The following CTNNA3 variants were observed in gnomAD, a reference collection of about 807,000 sequenced individuals.
CTNNA3 encodes catenin alpha-3.
CTNNA3 carries 76 observed loss-of-function variants against 95.7 expected under a neutral mutation model. The ratio of observed to expected loss-of-function variants is 0.79; its 90% CI spans 0.66 to 0.96. CTNNA3 has a LOEUF of 0.96. CTNNA3 is among the 40% of genes least tolerant of loss of function. The pLI, the probability that CTNNA3 is intolerant of heterozygous loss-of-function variation, is 0.00. For synonymous variants in CTNNA3, 431 were observed against 374.4 expected (o/e 1.15, Z -1.74); for missense variants, 1,191 against 1,089.8 (o/e 1.09, Z -1.31).
chr10:66,107,223 C>T (rs1213504472), intron 13 of CTNNA3, among the ~76,000 whole-genome samples: 1 of 152,152 alleles, frequency 6.6e-6, no homozygotes, highest in Non-Finnish European at 1.5e-5. Context: ...CGTTATTTCT[C>T]ATATCAGAAT....
At chr10:67,577,198 C>T (rs1482687102) in intron 3 of CTNNA3, among the ~76,000 whole-genome samples, 1 of 151,832 alleles carries the variant, frequency 6.6e-6, no homozygotes, top group African/African-American at 2.4e-5. Flanking sequence ...TATTTCTCCA[C>T]ATCCTCTCCA....
intron 7 of CTNNA3, among the ~76,000 whole-genome samples, chr10:66,935,052 TA>T (rs1847620417): frequency 6.6e-6 from 1 of 152,060 alleles, no homozygotes; most frequent in African/African-American, 2.4e-5. Flanking sequence ...CTCATGTAGC[TA>T]AAAAAGTGCT....
chr10:66,133,806 G>A (rs2083233787), intron 13 of CTNNA3, among the ~76,000 whole-genome samples: 1 of 152,066 alleles, frequency 6.6e-6, no homozygotes, highest in South Asian at 2.1e-4. Context: ...ATGAGGTTAG[G>A]AAAACTGTAT....
intron 13 of CTNNA3, among the ~76,000 whole-genome samples, chr10:66,224,994 T>G (rs1161398869): frequency 1.3e-5 from 2 of 152,130 alleles, no homozygotes; most frequent in South Asian, 4.1e-4. Flanking sequence ...GAAATCAGAA[T>G]AATTATATTT....
At chr10:66,846,161 C>T (rs954021186) in intron 7 of CTNNA3, among the ~76,000 whole-genome samples, 2 of 148,770 alleles carry the variant, frequency 1.3e-5, no homozygotes, top group African/African-American at 2.5e-5. Context: ...CCTTTTGCAA[C>T]AGAGATGAAC....
intron 16 of CTNNA3, among the ~76,000 whole-genome samples, chr10:65,983,368 T>C (rs536497422): frequency 6.6e-6 from 1 of 151,728 alleles, no homozygotes; most frequent in African/African-American, 2.4e-5. Context: ...TAGGTTATAC[T>C]GCTTCTATAA....
intron 7 of CTNNA3, among the ~76,000 whole-genome samples, chr10:66,960,947 C>CCTT (rs1849075636): frequency 1.3e-5 from 2 of 152,112 alleles, no homozygotes; most frequent in Non-Finnish European, 2.9e-5. Flanking sequence ...ACTAGTTAAT[C>CCTT]ACAAGGGATC....
At chr10:67,334,457 G>A (rs918058670) in intron 5 of CTNNA3, 2 of 153,978 alleles carry the variant, frequency 1.3e-5, no homozygotes, top group African/African-American at 4.8e-5. Context: ...GAAAGCTGCT[G>A]GCAAAGAAGA....
chr10:66,283,945 C>T (rs985626650), intron 12 of CTNNA3, among the ~76,000 whole-genome samples: 1 of 151,694 alleles, frequency 6.6e-6, no homozygotes, highest in Non-Finnish European at 1.5e-5. Flanking sequence ...CCTAGGTTTT[C>T]AGAAAATGAG....
intron 1 of CTNNA3, among the ~76,000 whole-genome samples, chr10:67,686,198 C>G (rs561428049): frequency 9.2e-5 from 14 of 152,316 alleles, no homozygotes; most frequent in African/African-American, 3.1e-4. Context: ...ATTCTTCTTC[C>G]CTTTCCCAGT....
intron 5 of CTNNA3, among the ~76,000 whole-genome samples, chr10:67,397,852 G>A (rs1231565910): frequency 6.6e-6 from 1 of 152,264 alleles, no homozygotes; most frequent in Non-Finnish European, 1.5e-5. Flanking sequence ...GCTTCAGAGG[G>A]TGCAAGCCCC....
intron 13 of CTNNA3, among the ~76,000 whole-genome samples, chr10:66,130,424 C>T (rs1402008928): frequency 6.9e-6 from 1 of 144,632 alleles, no homozygotes; most frequent in Non-Finnish European, 1.5e-5. Flanking sequence ...AAATCAGGAT[C>T]TGTTTTTTTT....
intron 9 of CTNNA3, among the ~76,000 whole-genome samples, chr10:66,649,739 C>T (rs1370181285): frequency 6.6e-6 from 1 of 152,190 alleles, no homozygotes; most frequent in African/African-American, 2.4e-5. Flanking sequence ...CCCCAGCAGC[C>T]CTAGGCTCGG....
chr10:66,061,789 A>T (rs867349213), intron 15 of CTNNA3, among the ~76,000 whole-genome samples: 1 of 152,106 alleles, frequency 6.6e-6, no homozygotes, highest in African/African-American at 2.4e-5. Flanking sequence ...AATCGAATAC[A>T]AATTTCATTT....
intron 11 of CTNNA3, among the ~76,000 whole-genome samples, chr10:66,483,330 G>A (rs536687005): frequency 3.3e-5 from 5 of 151,688 alleles, no homozygotes; most frequent in Middle Eastern, 3.4e-3. Flanking sequence ...AATTAGCATC[G>A]CACCCAACAC....
intron 8 of CTNNA3, among the ~76,000 whole-genome samples, chr10:66,769,133 T>C (rs989272948): frequency 3.3e-5 from 5 of 152,222 alleles, no homozygotes; most frequent in African/African-American, 1.2e-4. Context: ...GTCTTATTAC[T>C]CCCCTTTGCT....
chr10:66,820,005 T>G (rs904839361), intron 7 of CTNNA3, among the ~76,000 whole-genome samples: 9 of 150,234 alleles, frequency 6.0e-5, no homozygotes, highest in African/African-American at 2.2e-4. Flanking sequence ...GAACTGAAAA[T>G]GAGTTCACAC....
At chr10:67,695,098 A>C (rs1455442347) in intron 1 of CTNNA3, among the ~76,000 whole-genome samples, 1 of 152,118 alleles carries the variant, frequency 6.6e-6, no homozygotes, top group African/African-American at 2.4e-5. Flanking sequence ...AACTATTCTC[A>C]ATATGTTGAG....
intron 8 of CTNNA3, among the ~76,000 whole-genome samples, chr10:66,771,279 T>A (rs1187600925): frequency 6.6e-6 from 1 of 152,196 alleles, no homozygotes; most frequent in Non-Finnish European, 1.5e-5. Flanking sequence ...CTGCCTTTAG[T>A]GAAATCAAAT....
Sources: allele counts gnomAD v4.1 joint callset (sites outside exome capture counted in the v4.1 genomes callset), GRCh38; gene constraint gnomAD v4.1.1; transcripts MANE v1.5; gene names NCBI Gene and HGNC (gene_info 2026-07-23, HGNC 2026-07-21).